Variants in L3MBTL1 observed in about 807,000 individuals in gnomAD.
L3MBTL1 encodes lethal(3)malignant brain tumor-like protein 1.
Under a neutral mutation model 105.3 loss-of-function variants are expected in L3MBTL1, and 75 were observed. That is an observed-to-expected ratio of 0.71 (90% confidence interval 0.59 to 0.86). The LOEUF (loss-of-function observed/expected upper bound fraction) is 0.86. L3MBTL1 is among the 40% of genes least tolerant of loss of function. The pLI is 0.00. For missense variants in L3MBTL1, 1,069 were observed against 1,126.4 expected (o/e 0.95, Z 0.73); for synonymous variants, 452 against 436.2 (o/e 1.04, Z -0.45).
chr20:43,535,795 C>T (rs762472260), intron 16 of L3MBTL1, 42 bp from the exon 17 acceptor site: 14 of 1,350,798 alleles, frequency 1.0e-5, no homozygotes, highest in Non-Finnish European at 1.4e-5. Flanking sequence ...CACTCCCCAC[C>T]CCCAGGACTC....
chr20:43,516,656 CTG>C lies in L3MBTL1; in HGVS notation c.862+481_862+482del, dbSNP rs772226848. Among the ~76,000 whole-genome samples the C allele has an allele frequency of 3.3e-5, 5 of 152,328 alleles. 1 individual carries two copies. The highest frequency in any genetic ancestry group is 1.3e-4 in the Admixed American group (2 of 15,298). On this transcript the variant is annotated intron_variant, in intron 7 of 21. Coordinates refer to ENST00000418998, the MANE Select transcript of L3MBTL1 (RefSeq NM_001377303.1). The stretch of plus-strand genomic sequence containing the variant: ...CCATCTCCACATTCCCACATGACAA[CTG>C]TCAACTGTAGCTAAGTAGCATACTT...
chr20:43,531,139 T>C (rs530564771), intron 11 of L3MBTL1: 1 of 511,608 alleles, frequency 2.0e-6, no homozygotes, highest in Admixed American at 3.7e-5. Flanking sequence ...CACATCCCCT[T>C]GGAGCCCCTG....
rs747185357 is a variant in L3MBTL1 at position 43,541,063 on chromosome 20, C to T, written c.2524C>T (p.Leu842Phe). Residue 842 changes from leucine (L) to phenylalanine (F), a missense_variant, in exon 22 of 22, where the codon CTC (leucine) becomes TTC (phenylalanine). Physicochemically the swap from Leu to Phe is conservative, Grantham distance 22. Transcript: ENST00000418998. ...KGILETGVHS[L>F]LCSLPTHLLA... ...CATCCTGGAGACAGGAGTCCATTCA[C>T]TCCTCTGCTCTCTACCCACTCATTT... 10 of 1,614,214 alleles carry T rather than the reference C, an allele frequency of 6.2e-6. No homozygotes were observed. The highest frequency in any genetic ancestry group is 8.5e-6 in the Non-Finnish European group (10 of 1,180,038).
In L3MBTL1 at chr20:43,512,186, G is replaced by A. The variant is rs1369877662; in HGVS notation, c.-28-1290G>A. 2.0e-5 allele frequency among the ~76,000 whole-genome samples: 3 copies of A among 152,300 alleles called. No individual in the cohort carries two copies. The South Asian group carries it at 6.2e-4, about 32-fold the overall frequency. On this transcript the variant is annotated intron_variant, in intron 1 of 21. Coordinates refer to ENST00000418998, the MANE Select transcript of L3MBTL1 (RefSeq NM_001377303.1). ...GTAGGGGTGCAGGAAAGGAAGCAGGGAGATGGGTTAGAAGGCAATTTCAGA... is the reference window on the plus strand; with the variant it reads ...GTAGGGGTGCAGGAAAGGAAGCAGGAAGATGGGTTAGAAGGCAATTTCAGA...
At chr20:43,530,257 A>G in intron 9 of L3MBTL1, 27 bp from the exon 10 acceptor site, 3 of 1,613,164 alleles carry the variant, frequency 1.9e-6, no homozygotes, top group Non-Finnish European at 2.5e-6. Context: ...CTGACATTGG[A>G]GTTCCTGATT....
exon 19 of L3MBTL1, chr20:43,549,285 G>A (rs1204900249): frequency 6.6e-6 from 1 of 152,358 alleles, no homozygotes; most frequent in Non-Finnish European, 1.5e-5. Flanking sequence ...CTTCTGCCAT[G>A]AGAATGTAGC....
intron 3 of L3MBTL1, 93 bp from the exon 4 acceptor site, chr20:43,514,542 G>A (rs369072001): frequency 4.7e-5 from 75 of 1,584,176 alleles, no homozygotes; most frequent in Non-Finnish European, 5.9e-5. Flanking sequence ...GGCGTGAGCT[G>A]GCATGAGGCG....
chr20:43,539,098 G>A (rs989114586), intron 19 of L3MBTL1: 1 of 152,646 alleles, frequency 6.6e-6, no homozygotes, highest in Non-Finnish European at 1.5e-5. Flanking sequence ...AATCCCAGAG[G>A]CTTTGTGGGT....
chr20:43,519,979 A>G (rs1198144659), intron 7 of L3MBTL1, among the ~76,000 whole-genome samples: 3 of 152,168 alleles, frequency 2.0e-5, no homozygotes, highest in East Asian at 1.9e-4. Context: ...GAAGTGTACA[A>G]TTCAGTGGGG....
chr20:43,523,076 C>T (rs2018820946), intron 7 of L3MBTL1, among the ~76,000 whole-genome samples: 1 of 151,708 alleles, frequency 6.6e-6, no homozygotes, highest in Non-Finnish European at 1.5e-5. Flanking sequence ...CACTGCACTC[C>T]AGCCTGGGTG....
At chr20:43,522,158 C>A (rs1477170416) in intron 7 of L3MBTL1, among the ~76,000 whole-genome samples, 1 of 152,104 alleles carries the variant, frequency 6.6e-6, no homozygotes, top group Admixed American at 6.5e-5. Context: ...AGATTGAGAC[C>A]ATCCTGGCCA....
Position 43,536,281 on chromosome 20 carries a change from C to A in L3MBTL1, c.2110C>A (p.Arg704Ser). The change falls in exon 18 of 22, where the codon CGC becomes AGC. Residue 704 changes from arginine to serine, a missense_variant. Physicochemically the swap from Arg to Ser is moderately radical, Grantham distance 110. Transcript: ENST00000418998. ...LSGFSPRKKP[R>S]HHGRIGRPPK... is the part of the protein sequence containing the mutation. ...AGGCTTCTCCCCAAGGAAGAAGCCT[C>A]GCCATCACGGCCGGTATGGAGGCCA... 6.2e-7 allele frequency: 1 copy of A among 1,612,618 alleles called. No homozygotes were observed. The highest frequency in any genetic ancestry group is 8.5e-7 in the Non-Finnish European group (1 of 1,179,540).
At chr20:43,548,575 T>C in exon 19 of L3MBTL1, 1 of 177,350 alleles carries the variant, frequency 5.6e-6, no homozygotes. Flanking sequence ...TTCTTGGCAG[T>C]GGAGGAGAGA....
chr20:43,515,250 G>A (rs1477956075), intron 5 of L3MBTL1, 42 bp from the exon 6 acceptor site: 3 of 1,612,320 alleles, frequency 1.9e-6, no homozygotes, highest in South Asian at 1.1e-5. Context: ...GCTGGGTGGT[G>A]CAGGGCGGGT....
intron 7 of L3MBTL1, among the ~76,000 whole-genome samples, chr20:43,518,359 G>C (rs1476705377): frequency 2.6e-5 from 4 of 152,130 alleles, no homozygotes; most frequent in African/African-American, 9.7e-5. Flanking sequence ...ATGGCCAGCT[G>C]TTCAATTCAC....
chr20:43,547,394 G>A (rs534675062), intron 18 of L3MBTL1, among the ~76,000 whole-genome samples: 66 of 152,306 alleles, frequency 4.3e-4, no homozygotes, highest in Admixed American at 2.1e-3. Context: ...GTGAGCCACC[G>A]CGCCCGGCCA....
intron 15 of L3MBTL1, 43 bp from the exon 16 acceptor site, chr20:43,534,785 C>T (rs1301499669): frequency 2.1e-6 from 3 of 1,440,006 alleles, no homozygotes; most frequent in Non-Finnish European, 2.9e-6. Flanking sequence ...CTGAGCTGGG[C>T]TCCATGAGAA....
chr20:43,516,522 C>G (rs1182630695), intron 7 of L3MBTL1, among the ~76,000 whole-genome samples: 1 of 152,208 alleles, frequency 6.6e-6, no homozygotes, highest in African/African-American at 2.4e-5. Flanking sequence ...CAAGCCTGCA[C>G]TGGTCATTGG....
chr20:43,542,626 A>AG (rs1323488133), downstream of L3MBTL1, among the ~76,000 whole-genome samples: 8 of 151,776 alleles, frequency 5.3e-5, no homozygotes, highest in Non-Finnish European at 1.2e-4. Context: ...AAAAAAAAAA[A>AG]AAAAGAAAAG....
Sources: gnomAD v4.1 joint callset for allele counts (sites outside exome capture counted in the v4.1 genomes callset) on GRCh38, gnomAD v4.1.1 for gene constraint, MANE v1.5 for transcripts, NCBI Gene and HGNC (gene_info 2026-07-23, HGNC 2026-07-21) for gene names.